The following TOX variants were observed in gnomAD, a reference collection of about 807,000 sequenced individuals.
The protein encoded by TOX is thymocyte selection associated high mobility group box.
TOX carries 11 observed loss-of-function variants against 53.7 expected under a neutral mutation model. The ratio of observed to expected loss-of-function variants is 0.20; its 90% CI spans 0.13 to 0.34. TOX has a LOEUF of 0.34. TOX is among the 10% of genes least tolerant of loss of function. The pLI, the probability that TOX is intolerant of heterozygous loss-of-function variation, is 1.00. For synonymous variants in TOX, 225 were observed against 245.3 expected (o/e 0.92, Z 0.77); for missense variants, 570 against 664.6 (o/e 0.86, Z 1.56).
At chr8:59,108,904 T>C (rs974056883) in intron 1 of TOX, among the ~76,000 whole-genome samples, 24 of 152,200 alleles carry the variant, frequency 1.6e-4, no homozygotes, top group African/African-American at 5.3e-4. Context: ...TGCTGGCTTA[T>C]TGATTTGCAC....
At chr8:58,998,512 T>A (rs868779032) in intron 1 of TOX, among the ~76,000 whole-genome samples, 1,418 of 53,418 alleles carry the variant, frequency 0.027, 23 homozygotes, top group Non-Finnish European at 0.046. Context: ...TATATATATA[T>A]ATATATATAT....
intron 1 of TOX, among the ~76,000 whole-genome samples, chr8:58,997,787 T>TTTTTG (rs1236681323): frequency 2.0e-5 from 3 of 152,128 alleles, no homozygotes; most frequent in Non-Finnish European, 4.4e-5. Context: ...CCGCTTTTTG[T>TTTTTG]TTTTGTTTTG....
chr8:58,869,313 T>C (rs1196769991), intron 3 of TOX, among the ~76,000 whole-genome samples: 1 of 151,142 alleles, frequency 6.6e-6, no homozygotes, highest in East Asian at 1.9e-4. Context: ...AGTGGAACAA[T>C]TCCTTAAAAT....
intron 1 of TOX, among the ~76,000 whole-genome samples, chr8:59,042,978 A>G (rs1161482351): frequency 1.3e-5 from 2 of 152,200 alleles, no homozygotes; most frequent in Non-Finnish European, 2.9e-5. Flanking sequence ...CAATTGAGAA[A>G]TACACAGTAC....
At chr8:59,019,686 C>A (rs1057330511) in intron 1 of TOX, among the ~76,000 whole-genome samples, 1 of 152,070 alleles carries the variant, frequency 6.6e-6, no homozygotes, top group Non-Finnish European at 1.5e-5. Context: ...TCATTTAGAA[C>A]AACAGATGAA....
chr8:59,054,333 G>T (rs1284936672), intron 1 of TOX, among the ~76,000 whole-genome samples: 1 of 152,110 alleles, frequency 6.6e-6, no homozygotes, highest in Non-Finnish European at 1.5e-5. Context: ...CAGAAAGAAG[G>T]CAAGAAAACA....
intron 1 of TOX, among the ~76,000 whole-genome samples, chr8:59,106,182 T>A (rs1804897096): frequency 6.6e-6 from 1 of 152,106 alleles, no homozygotes; most frequent in Non-Finnish European, 1.5e-5. Flanking sequence ...CAGAAATATA[T>A]CCTTCCTTCC....
At position 58,807,799 on chromosome 8, in the gene TOX, A is replaced by C. The variant is rs765310475; in HGVS notation, c.1545-16T>G. 4 of 1,614,042 alleles carry C rather than the reference A, an allele frequency of 2.5e-6. No individual in the cohort carries two copies. The highest frequency in any genetic ancestry group is 3.4e-6 in the Non-Finnish European group (4 of 1,179,942). On this transcript the variant is annotated splice_polypyrimidine_tract_variant and intron_variant, in intron 8 of 8. Transcript: ENST00000361421. ...CTGCATGCCCCTGTAGGAAGAGAAA[A>C]AAGACAGTTCCTTGTTACAGGACAA...
chr8:58,909,821 C>A (rs1811880946), intron 3 of TOX, among the ~76,000 whole-genome samples: 1 of 152,102 alleles, frequency 6.6e-6, no homozygotes, highest in Non-Finnish European at 1.5e-5. Context: ...CTACACCCAG[C>A]TAATTTTTGT....
At chr8:59,057,424 G>A (rs1180271404) in intron 1 of TOX, among the ~76,000 whole-genome samples, 1 of 152,076 alleles carries the variant, frequency 6.6e-6, no homozygotes, top group Non-Finnish European at 1.5e-5. Context: ...AAGAGTTATT[G>A]TGTATAAAAT....
intron 1 of TOX, among the ~76,000 whole-genome samples, chr8:59,083,972 T>C (rs139377170): frequency 6.6e-6 from 1 of 152,308 alleles, no homozygotes; most frequent in African/African-American, 2.4e-5. Context: ...CTATGAGTGT[T>C]AATTTTTATC....
In TOX at chr8:59,108,474, T is replaced by C. The variant is rs559466217; in HGVS notation, c.102+10412A>G. Among the ~76,000 whole-genome samples, 398 of 152,296 alleles carry C rather than the reference T, an allele frequency of 2.6e-3. 4 individuals are homozygous for C. The highest frequency in any genetic ancestry group is 9.3e-3 in the African/African-American group (386 of 41,564). ...TAGTTCACAACTGCGCCTGTACATA[T>C]TTTATTGTAGGCATTATATATTTAA... On this transcript the variant is annotated intron_variant, in intron 1 of 8. Transcript: ENST00000361421.
At chr8:59,108,681 C>T (rs1167359658) in intron 1 of TOX, among the ~76,000 whole-genome samples, 1 of 146,254 alleles carries the variant, frequency 6.8e-6, no homozygotes, top group East Asian at 1.9e-4. Context: ...CACACACACA[C>T]ACACATACAC....
At chr8:59,052,503 C>A (rs149017428) in intron 1 of TOX, among the ~76,000 whole-genome samples, 5 of 152,308 alleles carry the variant, frequency 3.3e-5, no homozygotes, top group African/African-American at 9.6e-5. Flanking sequence ...AGAATTAATT[C>A]AAGTGTGGAT....
intron 3 of TOX, among the ~76,000 whole-genome samples, chr8:58,893,907 A>G (rs1331966361): frequency 1.3e-5 from 2 of 152,206 alleles, no homozygotes; most frequent in Non-Finnish European, 2.9e-5. Context: ...TGAAAATGAG[A>G]GCTTCCCTCA....
intron 3 of TOX, among the ~76,000 whole-genome samples, chr8:58,892,762 C>T (rs537613066): frequency 1.3e-5 from 2 of 152,246 alleles, no homozygotes; most frequent in East Asian, 3.9e-4. Flanking sequence ...GGAATCAGCA[C>T]CTCACTATTT....
intron 3 of TOX, among the ~76,000 whole-genome samples, chr8:58,914,455 C>CCACAT (rs1811966058): frequency 6.6e-6 from 1 of 152,172 alleles, no homozygotes; most frequent in African/African-American, 2.4e-5. Flanking sequence ...CCAAAATTGT[C>CCACAT]TGTCTAGAGC....
rs1190034228 is a variant in TOX, at chr8:58,806,823, C to T, written c.*924G>A. ...CTATATTTATTATTTCATAAATAGG[C>T]GCAACAGGTTCCATAAAAAAAGATT... On this transcript the variant is annotated 3_prime_UTR_variant, in exon 9 of 9. Coordinates refer to ENST00000361421, the MANE Select transcript of TOX (RefSeq NM_014729.3). 3 of 152,402 alleles carry T rather than the reference C, an allele frequency of 2.0e-5. No homozygotes were observed. Among genetic ancestry groups the T allele is most frequent in the Non-Finnish European group, 2.9e-5 (2 of 67,986 alleles). 9.4% of individuals were successfully genotyped at this position (152,402 alleles called of 1,614,324 possible). A position where few individuals can be genotyped will look rare whatever the true frequency, so the allele number is the denominator to read the frequency against.
chr8:58,808,644 C>A (rs568383259), intron 7 of TOX, among the ~76,000 whole-genome samples: 1 of 152,140 alleles, frequency 6.6e-6, no homozygotes, highest in Non-Finnish European at 1.5e-5. Flanking sequence ...ATAGTTAATC[C>A]CCAGAATATG....
Sources: allele counts gnomAD v4.1 joint callset (sites outside exome capture counted in the v4.1 genomes callset), GRCh38; gene constraint gnomAD v4.1.1; transcripts MANE v1.5; gene names NCBI Gene and HGNC (gene_info 2026-07-23, HGNC 2026-07-21).